Variants in TRANK1 observed in about 807,000 individuals in gnomAD.
The protein encoded by TRANK1 is tetratricopeptide repeat and ankyrin repeat containing 1.
TRANK1 carries 198 observed loss-of-function variants against 266.0 expected under a neutral mutation model. That is an observed-to-expected ratio of 0.74 (90% CI 0.66 to 0.84). The LOEUF (loss-of-function observed/expected upper bound fraction) is 0.84, where lower values mean the gene tolerates loss of function less well. Ranked by LOEUF, TRANK1 falls within the 40% of genes least tolerant of loss-of-function variation. TRANK1 has a pLI of 0.00. For synonymous variants in TRANK1, 1,396 were observed against 1,384.1 expected, an observed-to-expected ratio of 1.01 and a Z score of -0.19; for missense variants, 3,326 against 3,634.6, an observed-to-expected ratio of 0.92 and a Z score of 2.18.
chr3:36,944,886 A>C lies in TRANK1; in HGVS notation c.-77T>G. ...TCCCTGTGGGCAGGGCGCGGCGGGC[A>C]GTGCGGAAGCCCGAAAGCTACCGGA... On this transcript the variant is annotated 5_prime_UTR_variant, in exon 1 of 24. Coordinates refer to ENST00000645898, the MANE Select transcript of TRANK1 (RefSeq NM_001329998.2). 7.4e-7 allele frequency: 1 copy of C among 1,350,148 alleles called. No homozygotes were observed. The highest frequency in any genetic ancestry group is 3.1e-5 in the East Asian group (1 of 32,018). 83.6% of individuals were successfully genotyped at this position (1,350,148 alleles called of 1,614,324 possible). A position where few individuals can be genotyped will look rare whatever the true frequency, so the allele number is the denominator to read the frequency against.
At position 36,856,143 on chromosome 3, in the gene TRANK1, G is replaced by A; in HGVS notation, c.3579C>T (p.Ile1193=). 6.2e-6 allele frequency: 10 copies of A among 1,613,898 alleles called. No homozygotes were observed. The highest frequency in any genetic ancestry group is 8.5e-6 in the Non-Finnish European group (10 of 1,179,864). The part of the protein sequence containing the change: ...HPHQLEHLHQ[I]FVTKNHVLCQ... ...ACAGCACATGGTTCTTGGTCACAAA[G>A]ATCTGATGTAAATGCTCCAGCTGGT... The change falls in exon 13 of 24, where the codon ATC becomes ATT. Residue 1193 remains isoleucine, a synonymous_variant. Transcript: ENST00000645898.
chr3:36,931,695 C>T (rs1044937219), intron 1 of TRANK1, among the ~76,000 whole-genome samples: 1 of 152,156 alleles, frequency 6.6e-6, no homozygotes, highest in Admixed American at 6.5e-5. Flanking sequence ...CAGCAAGACC[C>T]TGTCACAAAA....
intron 23 of TRANK1, 26 bp downstream of exon 23, chr3:36,829,538 C>T (rs887096477): frequency 6.2e-7 from 1 of 1,612,458 alleles, no homozygotes; most frequent in African/African-American, 1.3e-5. Context: ...AAAGTGTTAC[C>T]TGTCCCCACA....
chr3:36,870,421 AGAG>A (rs369546038), intron 9 of TRANK1, among the ~76,000 whole-genome samples: 1,540 of 83,436 alleles, frequency 0.018, 19 homozygotes, highest in African/African-American at 0.094. Flanking sequence ...AAAAAAAAAA[AGAG>A]AGAGAGAGAG....
intron 1 of TRANK1, among the ~76,000 whole-genome samples, chr3:36,936,635 A>AG (rs2080429291): frequency 6.6e-6 from 1 of 152,226 alleles, no homozygotes. Context: ...CCAAAAAAAA[A>AG]GGATGAAGAG....
At chr3:36,844,354 G>A (rs1447953864) in intron 17 of TRANK1, among the ~76,000 whole-genome samples, 2 of 152,162 alleles carry the variant, frequency 1.3e-5, no homozygotes, top group Non-Finnish European at 2.9e-5. Flanking sequence ...AGTCTCCTGA[G>A]TAGCTGGGAC....
chr3:36,874,350 G>T, intron 8 of TRANK1, 54 bp from the exon 9 acceptor site: 1 of 1,506,330 alleles, frequency 6.6e-7, no homozygotes, highest in Non-Finnish European at 8.9e-7. Context: ...TCCATAAGAT[G>T]TCCCCATGAG....
intron 17 of TRANK1, among the ~76,000 whole-genome samples, chr3:36,844,979 T>A (rs935411898): frequency 1.3e-5 from 2 of 152,104 alleles, no homozygotes; most frequent in African/African-American, 2.4e-5. Flanking sequence ...GGCTGATTAT[T>A]TCTCTTCTCA....
chr3:36,904,547 T>G (rs1001187777), intron 2 of TRANK1, among the ~76,000 whole-genome samples: 3 of 151,594 alleles, frequency 2.0e-5, no homozygotes, highest in Middle Eastern at 3.4e-3. Context: ...ATCTTAATCG[T>G]AAAAATAATA....
At chr3:36,839,145 GT>G (rs2078809864) in intron 18 of TRANK1, among the ~76,000 whole-genome samples, 1 of 152,174 alleles carries the variant, frequency 6.6e-6, no homozygotes, top group South Asian at 2.1e-4. Flanking sequence ...ACTTTGCAGT[GT>G]TGGCAGAACA....
intron 2 of TRANK1, among the ~76,000 whole-genome samples, chr3:36,905,677 C>G (rs900783177): frequency 1.3e-5 from 2 of 152,210 alleles, no homozygotes; most frequent in African/African-American, 4.8e-5. Flanking sequence ...CAGTGACTGA[C>G]TGATATGAGA....
rs2078911376 is a variant in TRANK1, at chr3:36,846,182, A to T, written c.5191+66T>A. On this transcript the variant is annotated intron_variant, in intron 17 of 23. Coordinates refer to ENST00000645898, the MANE Select transcript of TRANK1 (RefSeq NM_001329998.2). ...CAAAATACCACACCTTTTATTCCTG[A>T]CCATAAGAACAGTTGAGAGAAACAC... 2.1e-6 allele frequency: 3 copies of T among 1,417,750 alleles called. No individual in the cohort carries two copies. In the South Asian group the frequency reaches 4.3e-5, roughly 20 times the overall value. The allele number at this position is 1,417,750 out of a possible 1,614,324, so 87.8% of individuals were successfully genotyped here. A position where few individuals can be genotyped will look rare whatever the true frequency, so the allele number is the denominator to read the frequency against.
rs190951146 is a variant in TRANK1 at position 36,875,393 on chromosome 3, G to A, written c.908-1097C>T. ...CCTGCAGAAGTCAAGAGCAGCCTCT[G>A]GCTAATAACCGGCAGAGAAACTGGG... On this transcript the variant is annotated intron_variant, in intron 8 of 23. Transcript: ENST00000645898. Among the ~76,000 whole-genome samples, 190 of 152,324 alleles carry A rather than the reference G, an allele frequency of 1.2e-3. 2 individuals are homozygous for A. The highest frequency in any genetic ancestry group is 4.3e-3 in the African/African-American group (177 of 41,574).
chr3:36,835,375 CA>C (rs1356361829), intron 20 of TRANK1, among the ~76,000 whole-genome samples: 5 of 137,524 alleles, frequency 3.6e-5, no homozygotes, highest in Admixed American at 2.9e-4. Flanking sequence ...TTAGGAAAAC[CA>C]ATTATTTAAG....
chr3:36,893,366 A>G (rs927309066), intron 5 of TRANK1, among the ~76,000 whole-genome samples: 1 of 152,132 alleles, frequency 6.6e-6, no homozygotes, highest in African/African-American at 2.4e-5. Context: ...TCCCATCCCA[A>G]TCAATTATTC....
In TRANK1 at chr3:36,831,569, G is replaced by A. The variant is rs775710241; in HGVS notation, c.8014C>T (p.Arg2672Cys). The change falls in exon 22 of 24, where the codon CGC becomes TGC. Residue 2672 changes from arginine to cysteine, a missense_variant. By Grantham distance (180) the Arg-to-Cys change is radical. Coordinates refer to ENST00000645898, the MANE Select transcript of TRANK1 (RefSeq NM_001329998.2). The surrounding 1 kb of genome is among the most constrained non-coding windows in gnomAD (Gnocchi z 5.0). ...GLYYEEVRLN[R>C]LLCLDPVDYF... Reference sequence around the variant, plus strand: ...TCCACAGGGTCCAAACAGAGCAGGCGGTTTAGTCTGACCTCCTCATAATAG... The same window carrying A: ...TCCACAGGGTCCAAACAGAGCAGGCAGTTTAGTCTGACCTCCTCATAATAG... 32 of 1,613,278 alleles carry A rather than the reference G, an allele frequency of 2.0e-5. No homozygotes were observed. The highest frequency in any genetic ancestry group is 6.7e-5 in the East Asian group (3 of 44,866).
intron 3 of TRANK1, among the ~76,000 whole-genome samples, chr3:36,902,340 C>G (rs748796150): frequency 1.4e-4 from 21 of 152,218 alleles, no homozygotes; most frequent in Non-Finnish European, 2.6e-4. Flanking sequence ...CCACCACTCC[C>G]TTTCCATTGT....
intron 1 of TRANK1, among the ~76,000 whole-genome samples, chr3:36,931,062 T>C (rs1384015438): frequency 6.6e-6 from 1 of 152,118 alleles, no homozygotes; most frequent in Admixed American, 6.6e-5. Context: ...CACATACATA[T>C]GGCCTTTGAA....
At chr3:36,899,386 G>C in intron 3 of TRANK1, 127 bp from the exon 4 acceptor site, 3 of 1,027,212 alleles carry the variant, frequency 2.9e-6, no homozygotes, top group Non-Finnish European at 4.2e-6. Flanking sequence ...TGGGCACAGT[G>C]GCTCATGCCT....
Sources: allele counts gnomAD v4.1 joint callset (sites outside exome capture counted in the v4.1 genomes callset), GRCh38; gene constraint gnomAD v4.1.1; non-coding constraint Gnocchi (gnomAD v3.1); transcripts MANE v1.5; gene names NCBI Gene and HGNC (gene_info 2026-07-23, HGNC 2026-07-21).